The following UST variants were observed in gnomAD, a reference collection of about 807,000 sequenced individuals.
UST encodes the protein chondroitin sulfate 2-O-sulfotransferase.
A neutral mutation model predicts 45.6 loss-of-function variants in UST; 21 were observed. The observed-to-expected ratio is 0.46, with a 90% CI of 0.33 to 0.66. The LOEUF is 0.66. Among genes scored for constraint, UST ranks in the 30% least tolerant of loss-of-function variants. UST has a pLI of 0.02. For synonymous variants in UST, 215 were observed against 200.6 expected (o/e 1.07, Z -0.61); for missense variants, 463 against 512.4 (o/e 0.90, Z 0.93).
intron 4 of UST, among the ~76,000 whole-genome samples, chr6:148,963,495 C>T (rs985698680): frequency 6.6e-6 from 1 of 152,222 alleles, no homozygotes; most frequent in Admixed American, 6.5e-5. Flanking sequence ...AGACCTTGTT[C>T]TTGGGCCAAG....
At chr6:148,974,534 G>C (rs1263064059) in intron 5 of UST, among the ~76,000 whole-genome samples, 1 of 152,160 alleles carries the variant, frequency 6.6e-6, no homozygotes, top group African/African-American at 2.4e-5. Flanking sequence ...TTCATCCCAT[G>C]TTCTTTCTGG....
At chr6:148,963,021 G>T (rs1192521780) in intron 4 of UST, among the ~76,000 whole-genome samples, 1 of 152,250 alleles carries the variant, frequency 6.6e-6, no homozygotes, top group Non-Finnish European at 1.5e-5. Flanking sequence ...CACACACTGA[G>T]CTAGAGCGTG....
intron 4 of UST, 137 bp downstream of exon 4, chr6:148,954,088 G>T (rs1284525451): frequency 1.9e-6 from 1 of 529,858 alleles, no homozygotes; most frequent in African/African-American, 2.0e-5. Flanking sequence ...GCTACGGAGG[G>T]ATCAAAATTT....
chr6:148,831,821 G>A (rs1351537425), intron 1 of UST, among the ~76,000 whole-genome samples: 1 of 152,032 alleles, frequency 6.6e-6, no homozygotes, highest in African/African-American at 2.4e-5. Flanking sequence ...GAAAGTAGGT[G>A]GGGTGGAACT....
chr6:148,905,212 A>G lies in UST; in HGVS notation c.291+18183A>G, dbSNP rs116788594. Among the ~76,000 whole-genome samples, 901 of 152,084 alleles carry G rather than the reference A, an allele frequency of 5.9e-3. 9 individuals are homozygous for G. Among genetic ancestry groups the G allele is most frequent in the African/African-American group, 0.02 (844 of 41,474 alleles). On this transcript the variant is annotated intron_variant, in intron 2 of 7. Coordinates refer to ENST00000367463, the MANE Select transcript of UST (RefSeq NM_005715.3). ...ACAGATGGAGTGGCCTGTTTTCCAA[A>G]CCTCTGAGTCATTACTTCTCTCTTC...
intron 1 of UST, among the ~76,000 whole-genome samples, chr6:148,793,922 A>G (rs899053016): frequency 2.0e-5 from 3 of 152,116 alleles, no homozygotes; most frequent in Non-Finnish European, 2.9e-5. Context: ...GTTTGGCACT[A>G]TTCTGAATAG....
rs192336739 is a variant in UST at position 148,784,400 on chromosome 6, G to A, written c.247+36723G>A. Among the ~76,000 whole-genome samples, 49 of 152,230 alleles carry A rather than the reference G, an allele frequency of 3.2e-4. No homozygotes were observed. The East Asian group carries it at 7.0e-3, about 22-fold the overall frequency. The stretch of plus-strand genomic sequence containing the variant: ...ATTTTGAAGGAAATAACATTCTCTC[G>A]ACATAAGTCCAGGCAGTATTTACTA... On this transcript the variant is annotated intron_variant, in intron 1 of 7. Transcript: ENST00000367463.
intron 5 of UST, among the ~76,000 whole-genome samples, chr6:149,003,963 A>C (rs1781601042): frequency 6.6e-6 from 1 of 152,244 alleles, no homozygotes; most frequent in African/African-American, 2.4e-5. Flanking sequence ...GCTTTGCTGG[A>C]AATGCCTGAT....
intron 7 of UST, among the ~76,000 whole-genome samples, chr6:149,064,681 A>C (rs1776707708): frequency 6.6e-6 from 1 of 152,180 alleles, no homozygotes; most frequent in South Asian, 2.1e-4. Context: ...TTTAAAGCAG[A>C]AGCATAAAAC....
At chr6:148,963,713 T>C (rs1780717101) in intron 4 of UST, among the ~76,000 whole-genome samples, 2 of 152,246 alleles carry the variant, frequency 1.3e-5, no homozygotes, top group African/African-American at 4.8e-5. Context: ...CCAGATTGCC[T>C]GGACCCATAT....
chr6:148,768,709 A>G (rs1286572803), intron 1 of UST, among the ~76,000 whole-genome samples: 2 of 152,238 alleles, frequency 1.3e-5, no homozygotes, highest in Non-Finnish European at 2.9e-5. Context: ...TTAACAGTAA[A>G]TGAATTTTTA....
At chr6:148,987,301 A>G (rs1781256281) in intron 5 of UST, among the ~76,000 whole-genome samples, 1 of 152,204 alleles carries the variant, frequency 6.6e-6, no homozygotes, top group African/African-American at 2.4e-5. Flanking sequence ...AGAAGCTTCC[A>G]GATCTCCAGA....
chr6:148,890,155 A>G (rs957996977), intron 2 of UST, among the ~76,000 whole-genome samples: 1 of 152,208 alleles, frequency 6.6e-6, no homozygotes, highest in Non-Finnish European at 1.5e-5. Flanking sequence ...CAGTAGCCAT[A>G]AGAAGAAGAA....
intron 1 of UST, among the ~76,000 whole-genome samples, chr6:148,880,027 T>C (rs1466474717): frequency 6.7e-6 from 1 of 149,966 alleles, no homozygotes; most frequent in East Asian, 2.0e-4. Context: ...CGATCTCAGC[T>C]CACTGTGATG....
intron 1 of UST, among the ~76,000 whole-genome samples, chr6:148,777,921 C>T (rs968397722): frequency 1.3e-5 from 2 of 152,218 alleles, no homozygotes; most frequent in African/African-American, 4.8e-5. Context: ...TCTGTACAGT[C>T]ACATGCTGTC....
intron 1 of UST, among the ~76,000 whole-genome samples, chr6:148,792,378 T>A (rs1351110227): frequency 6.6e-6 from 1 of 152,200 alleles, no homozygotes; most frequent in Non-Finnish European, 1.5e-5. Context: ...CTTGCTCTCC[T>A]GCTAATACCA....
At chr6:148,941,133 G>T in intron 2 of UST, 146 bp from the exon 3 acceptor site, 1 of 884,186 alleles carries the variant, frequency 1.1e-6, no homozygotes, top group South Asian at 1.6e-5. Context: ...CTGATGAACT[G>T]ATATACATCC....
chr6:148,857,144 T>C (rs964958967), intron 1 of UST, among the ~76,000 whole-genome samples: 1 of 152,114 alleles, frequency 6.6e-6, no homozygotes, highest in African/African-American at 2.4e-5. Context: ...CTTGAAATTG[T>C]TAAACACATT....
chr6:148,774,070 G>T (rs1452308499), intron 1 of UST, among the ~76,000 whole-genome samples: 1 of 152,126 alleles, frequency 6.6e-6, no homozygotes, highest in Non-Finnish European at 1.5e-5. Context: ...AATGACTAGT[G>T]ACTACAGCAA....
Sources: gnomAD v4.1 joint callset for allele counts (sites outside exome capture counted in the v4.1 genomes callset) on GRCh38, gnomAD v4.1.1 for gene constraint, MANE v1.5 for transcripts, NCBI Gene and HGNC (gene_info 2026-07-23, HGNC 2026-07-21) for gene names.